Variants in GPC5 observed in about 807,000 individuals in gnomAD.
The protein encoded by GPC5 is glypican-5.
Under a neutral mutation model 53.9 loss-of-function variants are expected in GPC5, and 47 were observed. The observed-to-expected ratio is 0.87, with a 90% confidence interval of 0.69 to 1.11. The LOEUF is 1.11. Among genes scored for constraint, GPC5 ranks in the 50% most tolerant of loss-of-function variants. The pLI is 0.00. For synonymous variants in GPC5, 286 were observed against 263.3 expected, an observed-to-expected ratio of 1.09 and a Z score of -0.84; for missense variants, 748 against 713.1, an observed-to-expected ratio of 1.05 and a Z score of -0.56.
chr13:92,135,387 G>C (rs1246244189), intron 6 of GPC5, among the ~76,000 whole-genome samples: 1 of 152,092 alleles, frequency 6.6e-6, no homozygotes, highest in Non-Finnish European at 1.5e-5. Context: ...TGTTTCAATT[G>C]TAATATTTCA....
intron 7 of GPC5, among the ~76,000 whole-genome samples, chr13:92,768,614 C>A (rs1219628727): frequency 6.6e-6 from 1 of 152,084 alleles, no homozygotes; most frequent in Non-Finnish European, 1.5e-5. Context: ...AATGAAAAAT[C>A]TTTCCCCCAT....
chr13:92,175,775 T>C (rs1238886989), intron 7 of GPC5, among the ~76,000 whole-genome samples: 1 of 151,562 alleles, frequency 6.6e-6, no homozygotes, highest in Non-Finnish European at 1.5e-5. Flanking sequence ...CTTGCAAATA[T>C]GTGATATTCC....
rs76512655 is a variant in GPC5 at position 91,499,280 on chromosome 13, A to G, written c.325+50358A>G. 2.5e-3 allele frequency among the ~76,000 whole-genome samples: 375 copies of G among 152,240 alleles called. 2 individuals are homozygous for G. Among genetic ancestry groups the G allele is most frequent in the Non-Finnish European group, 3.6e-3 (246 of 68,020 alleles). The stretch of plus-strand genomic sequence containing the variant: ...GTGGTTCAGTTTGATGGATCAGCAT[A>G]TTATTTTGTTCCATAGGTAGTATGT... On this transcript the variant is annotated intron_variant, in intron 2 of 7. Transcript: ENST00000377067.
At chr13:92,362,958 C>A (rs1357800023) in intron 7 of GPC5, among the ~76,000 whole-genome samples, 2 of 151,640 alleles carry the variant, frequency 1.3e-5, no homozygotes, top group African/African-American at 4.9e-5. Context: ...GGACGGGAAA[C>A]CTCGTCAGAG....
chr13:92,490,283 A>G (rs1418653062), intron 7 of GPC5: 1 of 153,648 alleles, frequency 6.5e-6, no homozygotes, highest in Non-Finnish European at 1.5e-5. Context: ...TTGTATTATT[A>G]TATCTATTTT....
At chr13:92,067,860 G>C (rs1452216424) in intron 6 of GPC5, among the ~76,000 whole-genome samples, 1 of 151,826 alleles carries the variant, frequency 6.6e-6, no homozygotes, top group Non-Finnish European at 1.5e-5. Flanking sequence ...GCACATATAA[G>C]GACATATACC....
intron 2 of GPC5, among the ~76,000 whole-genome samples, chr13:91,476,183 GC>G (rs1441256715): frequency 2.0e-5 from 3 of 152,160 alleles, no homozygotes; most frequent in African/African-American, 2.4e-5. Context: ...CCCACTAGAT[GC>G]CAGTAGCCCC....
At chr13:91,960,609 T>C (rs1303023506) in intron 6 of GPC5, among the ~76,000 whole-genome samples, 1 of 151,976 alleles carries the variant, frequency 6.6e-6, no homozygotes, top group Non-Finnish European at 1.5e-5. Context: ...AAAATAATCC[T>C]AGGCAAAAAC....
chr13:91,765,122 C>T (rs1185805651), intron 5 of GPC5, among the ~76,000 whole-genome samples: 1 of 152,164 alleles, frequency 6.6e-6, no homozygotes, highest in African/African-American at 2.4e-5. Context: ...TTTACTCTGC[C>T]ACTAGACAGC....
chr13:91,758,411 A>C (rs2037340427), intron 5 of GPC5, among the ~76,000 whole-genome samples: 1 of 152,088 alleles, frequency 6.6e-6, no homozygotes. Context: ...ATACTACATT[A>C]CATTATGTTG....
chr13:92,001,546 GC>G (rs2040554922), intron 6 of GPC5, among the ~76,000 whole-genome samples: 1 of 152,092 alleles, frequency 6.6e-6, no homozygotes, highest in Admixed American at 6.6e-5. Flanking sequence ...GAGCAGGTAT[GC>G]TGATATTAGT....
intron 7 of GPC5, among the ~76,000 whole-genome samples, chr13:92,695,160 T>G (rs1363497492): frequency 6.6e-6 from 1 of 152,216 alleles, no homozygotes; most frequent in Non-Finnish European, 1.5e-5. Flanking sequence ...CAGTTCTTTA[T>G]ATCTGTGTGA....
intron 7 of GPC5, among the ~76,000 whole-genome samples, chr13:92,669,327 C>T (rs1886673202): frequency 2.0e-5 from 3 of 151,978 alleles, no homozygotes; most frequent in Admixed American, 2.0e-4. Flanking sequence ...ATTTTATTTC[C>T]TGGTCTTTCC....
At chr13:91,763,585 C>A (rs1350703994) in intron 5 of GPC5, among the ~76,000 whole-genome samples, 1 of 152,150 alleles carries the variant, frequency 6.6e-6, no homozygotes, top group African/African-American at 2.4e-5. Flanking sequence ...CATCACATTG[C>A]AGATTACACA....
chr13:92,268,274 T>G (rs1284933230), intron 7 of GPC5, among the ~76,000 whole-genome samples: 1 of 152,046 alleles, frequency 6.6e-6, no homozygotes. Flanking sequence ...TCCCAAATAT[T>G]ACTATTTTCA....
Position 91,842,320 on chromosome 13 carries a change from T to A in GPC5, c.1281-65617T>A, listed in dbSNP as rs2038796475. Among the ~76,000 whole-genome samples the A allele has an allele frequency of 2.6e-5, 4 of 151,288 alleles. No homozygotes were observed. The South Asian group carries it at 8.4e-4, about 32-fold the overall frequency. On this transcript the variant is annotated intron_variant, in intron 5 of 7. Coordinates refer to ENST00000377067, the MANE Select transcript of GPC5 (RefSeq NM_004466.6). ...TCATTAAATATATGTTGTCCTTAAA[T>A]GCTTAAAAATTCTATAATTTGAATT...
chr13:92,554,944 T>TA (rs1208730277), intron 7 of GPC5, among the ~76,000 whole-genome samples: 1 of 150,756 alleles, frequency 6.6e-6, no homozygotes, highest in Non-Finnish European at 1.5e-5. Context: ...TGAGTTTGTT[T>TA]TTTTTTTATT....
At chr13:91,818,703 A>C (rs2038438551) in intron 5 of GPC5, among the ~76,000 whole-genome samples, 1 of 152,244 alleles carries the variant, frequency 6.6e-6, no homozygotes, top group Non-Finnish European at 1.5e-5. Context: ...AAAACCGGGG[A>C]AGATGTAGTC....
chr13:92,854,075 AC>A (rs1254101154), intron 7 of GPC5, among the ~76,000 whole-genome samples: 9 of 151,716 alleles, frequency 5.9e-5, no homozygotes, highest in Non-Finnish European at 1.2e-4. Flanking sequence ...TTGTGTTAAA[AC>A]CATTTGCTAA....
Sources: allele counts gnomAD v4.1 joint callset (sites outside exome capture counted in the v4.1 genomes callset), GRCh38; gene constraint gnomAD v4.1.1; transcripts MANE v1.5; gene names NCBI Gene and HGNC (gene_info 2026-07-23, HGNC 2026-07-21).